The following REPS2 variants were observed in gnomAD, a reference collection of about 807,000 sequenced individuals.
REPS2 encodes the protein ralBP1-associated Eps domain-containing protein 2.
A neutral mutation model predicts 53.6 loss-of-function variants in REPS2; 23 were observed. The observed-to-expected ratio is 0.43, with a 90% CI of 0.31 to 0.61. REPS2 has a LOEUF of 0.61. Among genes scored for constraint, REPS2 ranks in the 20% least tolerant of loss-of-function variants. REPS2 has a pLI of 0.11. For missense variants in REPS2, 446 were observed against 534.9 expected, an observed-to-expected ratio of 0.83 and a Z score of 1.64; for synonymous variants, 238 against 218.6, an observed-to-expected ratio of 1.09 and a Z score of -0.78.
At chrX:17,178,761 C>T in the REPS2 span, among the ~76,000 whole-genome samples, 1 of 110,986 alleles carries the variant, frequency 9.0e-6, no homozygotes, top group Admixed American at 9.6e-5. Flanking sequence ...AACCCTGTCT[C>T]TACTAAAAAT....
chrX:17,188,065 G>A, the REPS2 span, among the ~76,000 whole-genome samples: 4 of 111,925 alleles, frequency 3.6e-5, no homozygotes, highest in East Asian at 5.6e-4. Flanking sequence ...CTTCCCAGCT[G>A]CAATGTCATG....
At chrX:17,087,980 A>AG (rs1555939257) in intron 13 of REPS2, among the ~76,000 whole-genome samples, 3 of 106,166 alleles carry the variant, frequency 2.8e-5, no homozygotes, top group Non-Finnish European at 5.8e-5. Context: ...ATAGATAGAT[A>AG]AAGATACATA....
chrX:17,147,293 A>G lies in REPS2; in HGVS notation c.1915-120A>G, dbSNP rs955623488. On this transcript the variant is annotated intron_variant, in intron 17 of 17. Transcript: ENST00000357277. ...CTCCCAGTCCTCCTGTTCTTGAGTT[A>G]TACAGCACTTGTATTTGTGGGTCCA... The G allele has an allele frequency of 9.5e-6, 5 of 526,411 alleles. No individual in the cohort carries two copies. The African/African-American group carries it at 1.2e-4, about 12-fold the overall frequency. The allele number at this position is 526,411 out of a possible 1,213,427, so 43.4% of individuals were successfully genotyped here.
At chrX:16,995,894 A>G (rs1384815693) in intron 1 of REPS2, among the ~76,000 whole-genome samples, 1 of 111,606 alleles carries the variant, frequency 9.0e-6, no homozygotes, top group Non-Finnish European at 1.9e-5. Flanking sequence ...ATCCAAGCTC[A>G]TGCATTGTGG....
intron 7 of REPS2, among the ~76,000 whole-genome samples, chrX:17,054,536 G>T (rs1438999132): frequency 1.8e-5 from 2 of 112,059 alleles, no homozygotes; most frequent in Non-Finnish European, 3.8e-5. Context: ...ATAGTTTCTT[G>T]TCCTATGTCC....
intron 2 of REPS2, among the ~76,000 whole-genome samples, chrX:17,017,046 A>G (rs768929439): frequency 9.0e-6 from 1 of 111,215 alleles, no homozygotes; most frequent in Admixed American, 9.5e-5. Flanking sequence ...GTTTCAGTTC[A>G]CTGTAACCTC....
rs1229798483 is a variant in REPS2, at chrX:17,150,409, A to G, written c.*2928A>G. On this transcript the variant is annotated 3_prime_UTR_variant, in exon 18 of 18. Coordinates refer to ENST00000357277, the MANE Select transcript of REPS2 (RefSeq NM_004726.3). The stretch of plus-strand genomic sequence containing the variant: ...GTCCCACAGATGAAAGCACAGTAGT[A>G]GCTGACAGCTGGCTTATTTGGTCCC... 8.9e-6 allele frequency: 1 copy of G among 112,620 alleles called. No individual in the cohort carries two copies. Among genetic ancestry groups the G allele is most frequent in the Non-Finnish European group, 1.9e-5 (1 of 53,359 alleles). 9.3% of individuals were successfully genotyped at this position (112,620 alleles called of 1,213,427 possible).
At chrX:17,006,370 T>C in intron 2 of REPS2, 26 bp downstream of exon 2, 1 of 1,191,251 alleles carries the variant, frequency 8.4e-7, no homozygotes, top group Non-Finnish European at 1.1e-6. Flanking sequence ...TTGTATGTTT[T>C]ATTGTCCATG....
chrX:17,157,508 G>A (rs1479355363), downstream of REPS2, among the ~76,000 whole-genome samples: 1 of 112,093 alleles, frequency 8.9e-6, no homozygotes, highest in Non-Finnish European at 1.9e-5. Context: ...CCTCTGCAGT[G>A]TCTGGCAATG....
chrX:17,063,463 T>G (rs2062184225), intron 9 of REPS2, among the ~76,000 whole-genome samples: 1 of 111,716 alleles, frequency 9.0e-6, no homozygotes, highest in Non-Finnish European at 1.9e-5. Flanking sequence ...TGGCACCGTC[T>G]GCTCCCCTGT....
intron 5 of REPS2, among the ~76,000 whole-genome samples, chrX:17,038,820 C>T (rs1297010868): frequency 2.7e-5 from 3 of 111,869 alleles, no homozygotes; most frequent in South Asian, 3.7e-4. Context: ...GAGATGAGGT[C>T]GGAGAGGGAG....
the REPS2 span, among the ~76,000 whole-genome samples, chrX:17,187,925 A>T: frequency 8.9e-6 from 1 of 112,890 alleles, no homozygotes; most frequent in African/African-American, 3.2e-5. Context: ...TCTAATAAAT[A>T]TACAAAATAT....
intron 14 of REPS2, among the ~76,000 whole-genome samples, chrX:17,110,705 A>G (rs1408647040): frequency 9.2e-6 from 1 of 108,726 alleles, no homozygotes; most frequent in Non-Finnish European, 1.9e-5. Context: ...ACAAACAAAC[A>G]AACAAACAAA....
intron 13 of REPS2, among the ~76,000 whole-genome samples, chrX:17,102,083 T>TTATGTTATG (rs1569178018): frequency 0.011 from 498 of 43,639 alleles, 4 homozygotes; most frequent in African/African-American, 0.026. Context: ...GTTATGTTAT[T>TTATGTTATG]TTATTTTATT....
At chrX:17,164,555 A>T in the REPS2 span, among the ~76,000 whole-genome samples, 106 of 112,303 alleles carry the variant, frequency 9.4e-4, no homozygotes, top group African/African-American at 3.2e-3. Flanking sequence ...AATCATAAAC[A>T]TATGTTTGCC....
intron 2 of REPS2, among the ~76,000 whole-genome samples, chrX:17,010,140 T>C (rs2061410229): frequency 8.9e-6 from 1 of 111,867 alleles, no homozygotes; most frequent in Non-Finnish European, 1.9e-5. Context: ...AACCAGCATA[T>C]GGTAAAACTG....
At chrX:17,121,963 T>C (rs1327141861) in intron 14 of REPS2, among the ~76,000 whole-genome samples, 1 of 111,984 alleles carries the variant, frequency 8.9e-6, no homozygotes, top group Non-Finnish European at 1.9e-5. Context: ...TTGGCCAGGC[T>C]GGTCTCAAAC....
chrX:17,083,608 G>A (rs1295932964), intron 13 of REPS2, among the ~76,000 whole-genome samples: 1 of 112,047 alleles, frequency 8.9e-6, no homozygotes, highest in Admixed American at 9.5e-5. Flanking sequence ...ATTTGTTTCT[G>A]TAACTTAAGA....
At chrX:17,004,505 C>T (rs1221576345) in intron 1 of REPS2, among the ~76,000 whole-genome samples, 7 of 106,790 alleles carry the variant, frequency 6.6e-5, no homozygotes, top group African/African-American at 1.0e-4. Flanking sequence ...TATTTCAGAA[C>T]GTTCTTGGTA....
Sources: allele counts gnomAD v4.1 joint callset (sites outside exome capture counted in the v4.1 genomes callset), GRCh38; gene constraint gnomAD v4.1.1; transcripts MANE v1.5; gene names NCBI Gene and HGNC (gene_info 2026-07-23, HGNC 2026-07-21).